PHIP: variants seen among roughly 807,000 people sequenced by gnomAD.
PHIP encodes PH-interacting protein.
PHIP carries 54 observed loss-of-function variants against 236.8 expected under a neutral mutation model. That is an observed-to-expected ratio of 0.23 (90% CI 0.18 to 0.29). The LOEUF (loss-of-function observed/expected upper bound fraction) is 0.29, where lower values mean the gene tolerates loss of function less well. Among genes scored for constraint, PHIP ranks in the 10% least tolerant of loss-of-function variants. The pLI, the probability that PHIP is intolerant of heterozygous loss-of-function variation, is 1.00. For missense variants in PHIP, 1,370 were observed against 2,190.8 expected (o/e 0.63, Z 7.48); for synonymous variants, 756 against 718.9 (o/e 1.05, Z -0.83).
At chr6:78,978,503 T>G (rs1768276303) in intron 24 of PHIP, 89 bp downstream of exon 24, 1 of 1,041,206 alleles carries the variant, frequency 9.6e-7, no homozygotes, top group South Asian at 1.9e-5. Flanking sequence ...CAAAACTGCT[T>G]CTATTTTCCA....
intron 24 of PHIP, among the ~76,000 whole-genome samples, chr6:78,973,190 T>C (rs1378826416): frequency 6.6e-6 from 1 of 152,048 alleles, no homozygotes. Context: ...CAGCAGAAAC[T>C]CTACAAGCCA....
chr6:78,972,088 C>T (rs1264128502), intron 24 of PHIP, among the ~76,000 whole-genome samples: 7 of 152,130 alleles, frequency 4.6e-5, no homozygotes, highest in Non-Finnish European at 1.0e-4. Flanking sequence ...CACAGACAAA[C>T]AAAAAGACAG....
intron 7 of PHIP, among the ~76,000 whole-genome samples, chr6:79,028,817 C>T (rs778416757): frequency 6.6e-6 from 1 of 152,160 alleles, no homozygotes; most frequent in Non-Finnish European, 1.5e-5. Flanking sequence ...TCTTATGAAT[C>T]TTTGAATAAG....
At position 78,974,976 on chromosome 6, in the gene PHIP, C is replaced by T. The variant is rs931009914; in HGVS notation, c.2889+3616G>A. On this transcript the variant is annotated intron_variant, in intron 24 of 39. Transcript: ENST00000275034. ...GGAACTGGTACCATTCCTTCTGAAA[C>T]TATTCCAATCAATAGAAAAAGAGGG... Among the ~76,000 whole-genome samples the T allele has an allele frequency of 1.7e-3, 251 of 151,680 alleles. 1 individual carries two copies. Among genetic ancestry groups the T allele is most frequent in the Middle Eastern group, 3.4e-3 (1 of 292 alleles).
intron 4 of PHIP, among the ~76,000 whole-genome samples, chr6:79,064,670 C>G (rs1773537428): frequency 6.6e-6 from 1 of 152,164 alleles, no homozygotes; most frequent in African/African-American, 2.4e-5. Context: ...TCCTCTCCAA[C>G]CATTCCTTCT....
At chr6:78,992,016 C>A (rs1218412207) in intron 19 of PHIP, among the ~76,000 whole-genome samples, 3 of 148,102 alleles carry the variant, frequency 2.0e-5, no homozygotes, top group African/African-American at 7.5e-5. Flanking sequence ...GGCTGGAGTG[C>A]AGTGGCATGA....
chr6:78,991,074 A>T (rs969725416), intron 19 of PHIP, 89 bp from the exon 20 acceptor site: 1 of 712,572 alleles, frequency 1.4e-6, no homozygotes, highest in Non-Finnish European at 2.4e-6. Flanking sequence ...AAGGAACGCT[A>T]CTCCTGATGT....
chr6:78,945,332 G>T lies in PHIP; in HGVS notation c.4796C>A (p.Thr1599Asn), dbSNP rs1238184544. The T allele has an allele frequency of 6.2e-7, 1 of 1,613,556 alleles. No homozygotes were observed. The highest frequency in any genetic ancestry group is 8.5e-7 in the Non-Finnish European group (1 of 1,179,514). Reference sequence around the variant, plus strand: ...AATGACAGCTGATGACTTTGAAAGAGTGGACGCCTTTGGGAGTACAGATGA... The same window carrying T: ...AATGACAGCTGATGACTTTGAAAGATTGGACGCCTTTGGGAGTACAGATGA... ...MKSSVLPKAS[T>N]LSKSSAVIEQ... Residue 1599 changes from threonine to asparagine, a missense_variant, in exon 39 of 40, where the codon ACT becomes AAT. By Grantham distance (65) the Thr-to-Asn change is moderately conservative. Coordinates refer to ENST00000275034, the MANE Select transcript of PHIP (RefSeq NM_017934.7).
intron 23 of PHIP, among the ~76,000 whole-genome samples, chr6:78,979,950 C>A (rs140684611): frequency 6.6e-6 from 1 of 151,998 alleles, no homozygotes; most frequent in South Asian, 2.1e-4. Flanking sequence ...GCCACAGCCA[C>A]ACTGAGTGTT....
chr6:78,990,393 G>A (rs1769153519), intron 20 of PHIP, among the ~76,000 whole-genome samples: 1 of 152,174 alleles, frequency 6.6e-6, no homozygotes, highest in Non-Finnish European at 1.5e-5. Flanking sequence ...TAGGATGACA[G>A]AAAAGCCAAT....
chr6:78,979,574 G>A (rs1768367288), intron 23 of PHIP, among the ~76,000 whole-genome samples: 1 of 152,020 alleles, frequency 6.6e-6, no homozygotes, highest in African/African-American at 2.4e-5. Context: ...CTCTGAGAAA[G>A]TTCCTTAACT....
intron 39 of PHIP, 44 bp downstream of exon 39, chr6:78,945,256 A>T: frequency 7.4e-7 from 1 of 1,347,878 alleles, no homozygotes; most frequent in African/African-American, 1.4e-5. Context: ...CATTATTTAT[A>T]ATAAGGATCT....
chr6:79,066,331 C>T (rs559617508), intron 4 of PHIP, among the ~76,000 whole-genome samples: 2 of 152,240 alleles, frequency 1.3e-5, no homozygotes, highest in South Asian at 4.1e-4. Context: ...TTACATGGAA[C>T]TACTCATAAC....
At chr6:79,045,824 T>A (rs1370201471) in intron 6 of PHIP, among the ~76,000 whole-genome samples, 1 of 152,176 alleles carries the variant, frequency 6.6e-6, no homozygotes, top group Non-Finnish European at 1.5e-5. Context: ...CATATATGAC[T>A]TTCATTTAAA....
intron 21 of PHIP, among the ~76,000 whole-genome samples, chr6:78,985,901 T>A (rs1170803277): frequency 6.6e-6 from 1 of 152,076 alleles, no homozygotes; most frequent in East Asian, 1.9e-4. Flanking sequence ...AGCTTTTACC[T>A]TTTTTTCACA....
chr6:79,069,252 G>A (rs904385596), intron 4 of PHIP, among the ~76,000 whole-genome samples: 14 of 149,800 alleles, frequency 9.3e-5, no homozygotes, highest in African/African-American at 1.5e-4. Flanking sequence ...TACTGTGTAA[G>A]GCCTATATTA....
Position 78,940,783 on chromosome 6 carries a change from G to A in PHIP, c.5376C>T (p.Phe1792=), listed in dbSNP as rs147929895. ...TTCCAAAAGTTAAAGAGGTGTCTTC[G>A]AACAACAGCTGCCTTTGCTCCTCTT... is the stretch of plus-strand genomic sequence containing the variant. The part of the protein sequence containing the change: ...DSEEEQRQLL[F]EDTSLTFGTS... The change falls in exon 40 of 40, where the codon TTC becomes TTT. Residue 1792 remains phenylalanine, a synonymous_variant. Coordinates refer to ENST00000275034, the MANE Select transcript of PHIP (RefSeq NM_017934.7). 5.5e-5 allele frequency: 89 copies of A among 1,613,560 alleles called. No individual in the cohort carries two copies. Among genetic ancestry groups the A allele is most frequent in the Non-Finnish European group, 7.0e-5 (83 of 1,179,766 alleles).
rs113812967 is a variant in PHIP, at chr6:79,060,234, T to C, written c.439+244A>G. ...TAATATATACCTTAATATGGAACTT[T>C]CGTAAAAATAAAATTCCAATGAGCT... On this transcript the variant is annotated intron_variant, in intron 6 of 39. Coordinates refer to ENST00000275034, the MANE Select transcript of PHIP (RefSeq NM_017934.7). Among the ~76,000 whole-genome samples the C allele has an allele frequency of 5.8e-4, 88 of 152,330 alleles. 2 individuals are homozygous for C. The highest frequency in any genetic ancestry group is 2.1e-3 in the African/African-American group (86 of 41,570).
chr6:79,059,614 T>C (rs376811009), intron 6 of PHIP, among the ~76,000 whole-genome samples: 1 of 111,758 alleles, frequency 8.9e-6, no homozygotes, highest in Non-Finnish European at 1.9e-5. Flanking sequence ...TATATATATA[T>C]ATATATATAT....
Sources: allele counts gnomAD v4.1 joint callset (sites outside exome capture counted in the v4.1 genomes callset), GRCh38; gene constraint gnomAD v4.1.1; transcripts MANE v1.5; gene names NCBI Gene and HGNC (gene_info 2026-07-23, HGNC 2026-07-21).